GRIN2A: variants seen among roughly 807,000 people sequenced by gnomAD.
GRIN2A encodes glutamate ionotropic receptor NMDA type subunit 2A.
GRIN2A carries 22 observed loss-of-function variants against 113.4 expected under a neutral mutation model. The ratio of observed to expected loss-of-function variants is 0.19; its 90% CI spans 0.14 to 0.28. The LOEUF (loss-of-function observed/expected upper bound fraction) is 0.28, where lower values mean the gene tolerates loss of function less well. GRIN2A is among the 10% of genes least tolerant of loss of function. The pLI, the probability that GRIN2A is intolerant of heterozygous loss-of-function variation, is 1.00. For synonymous variants in GRIN2A, 827 were observed against 738.4 expected (o/e 1.12, Z -1.94); for missense variants, 1,502 against 1,887.0 (o/e 0.80, Z 3.78).
chr16:9,837,779 G>A (rs575095922), intron 7 of GRIN2A, among the ~76,000 whole-genome samples: 19 of 152,258 alleles, frequency 1.2e-4, no homozygotes, highest in African/African-American at 4.6e-4. Flanking sequence ...GGCATAGTGA[G>A]GCTCTCTTAT....
intron 2 of GRIN2A, among the ~76,000 whole-genome samples, chr16:10,072,547 C>T (rs540882601): frequency 6.6e-6 from 1 of 152,230 alleles, no homozygotes; most frequent in African/African-American, 2.4e-5. Flanking sequence ...TAAAGTTCTC[C>T]TAGGTGATTA....
chr16:9,927,927 G>C (rs572594692), intron 3 of GRIN2A, among the ~76,000 whole-genome samples: 1 of 152,148 alleles, frequency 6.6e-6, no homozygotes, highest in East Asian at 1.9e-4. Flanking sequence ...CTTTGTGTTT[G>C]GCCAGGACTT....
At chr16:9,862,947 A>G (rs2043095699) in intron 4 of GRIN2A, among the ~76,000 whole-genome samples, 2 of 152,218 alleles carry the variant, frequency 1.3e-5, no homozygotes, top group Non-Finnish European at 2.9e-5. Flanking sequence ...TTATTGAGGT[A>G]CTGTGATCAC....
intron 11 of GRIN2A, among the ~76,000 whole-genome samples, chr16:9,772,750 C>G (rs900114920): frequency 1.3e-5 from 2 of 152,016 alleles, no homozygotes; most frequent in African/African-American, 4.8e-5. Flanking sequence ...ATCTTCCTTT[C>G]GGTGTTGCCT....
chr16:9,808,111 G>A lies in GRIN2A; in HGVS notation c.2169-9647C>T, dbSNP rs115994105. Among the ~76,000 whole-genome samples, 794 of 152,288 alleles carry A rather than the reference G, an allele frequency of 5.2e-3. 2 individuals are homozygous for A. Among genetic ancestry groups the A allele is most frequent in the African/African-American group, 0.018 (742 of 41,558 alleles). On this transcript the variant is annotated intron_variant, in intron 10 of 12. Coordinates refer to ENST00000330684, the MANE Select transcript of GRIN2A (RefSeq NM_001134407.3). The stretch of plus-strand genomic sequence containing the variant: ...TGCTGCAGATTTCACGAAGCATAGC[G>A]TTTTTATAATATTAGAAAGATGGCT...
rs1900787948 is a variant in GRIN2A, at chr16:9,764,530, T to G, written c.3014A>C (p.Lys1005Thr). Residue 1005 changes from lysine (K) to threonine (T), a missense_variant, in exon 13 of 13, where the codon AAA becomes ACA. This residue lies in a region of GRIN2A where 832 missense variants were observed against 789.7 expected (regional missense o/e 1.05). Coordinates refer to ENST00000330684, the MANE Select transcript of GRIN2A (RefSeq NM_001134407.3). Reference sequence around the variant, plus strand: ...CAGCTGCCGGGGTCTAGAGTTCGCTTTGGATTCTGTGCTCACGGCCACCTC... The same window carrying G: ...CAGCTGCCGGGGTCTAGAGTTCGCTGTGGATTCTGTGCTCACGGCCACCTC... ...TVEVAVSTES[K>T]ANSRPRQLWK... 6.2e-7 allele frequency: 1 copy of G among 1,613,896 alleles called. No individual in the cohort carries two copies. The highest frequency in any genetic ancestry group is 1.7e-5 in the Admixed American group (1 of 60,000).
intron 2 of GRIN2A, among the ~76,000 whole-genome samples, chr16:10,044,020 T>TAGAG (rs1394786989): frequency 5.1e-5 from 6 of 116,898 alleles, no homozygotes; most frequent in African/African-American, 6.9e-5. Flanking sequence ...TATATATATA[T>TAGAG]ATAGAGAGAG....
chr16:9,990,568 CA>C (rs2046091386), intron 2 of GRIN2A, among the ~76,000 whole-genome samples: 1 of 78,906 alleles, frequency 1.3e-5, no homozygotes, highest in Non-Finnish European at 3.4e-5. Flanking sequence ...CGCGCGCACA[CA>C]CACACACACA....
chr16:9,768,037 T>A (rs1901026401), intron 12 of GRIN2A, among the ~76,000 whole-genome samples: 2 of 152,288 alleles, frequency 1.3e-5, no homozygotes, highest in South Asian at 4.1e-4. Flanking sequence ...CCAGTGTTTT[T>A]AAATTTTTTT....
intron 12 of GRIN2A, 26 bp downstream of exon 12, chr16:9,768,820 GTGCAA>G (rs1567282293): frequency 6.8e-7 from 1 of 1,472,622 alleles, no homozygotes. Context: ...CCTGCTTGCA[GTGCAA>G]GAAAGTAGCC....
intron 11 of GRIN2A, among the ~76,000 whole-genome samples, chr16:9,776,387 G>A (rs1362321): frequency 0.22 from 33,177 of 150,670 alleles, 4,149 homozygotes; most frequent in East Asian, 0.53. Context: ...TGTACCCCCA[G>A]TCTGTGGCAC....
intron 3 of GRIN2A, among the ~76,000 whole-genome samples, chr16:9,912,410 C>T (rs1359456278): frequency 1.3e-5 from 2 of 149,774 alleles, no homozygotes; most frequent in African/African-American, 4.9e-5. Context: ...ACACCATTTT[C>T]AGAACGTAGC....
chr16:10,101,522 G>A (rs1240977152), intron 2 of GRIN2A, among the ~76,000 whole-genome samples: 1 of 152,122 alleles, frequency 6.6e-6, no homozygotes, highest in Non-Finnish European at 1.5e-5. Flanking sequence ...AGATGTTGGG[G>A]CTTCGAGAAA....
At chr16:9,846,048 C>T (rs145173151) in intron 5 of GRIN2A, among the ~76,000 whole-genome samples, 1 of 152,326 alleles carries the variant, frequency 6.6e-6, no homozygotes, top group East Asian at 1.9e-4. Context: ...TTACTTATAA[C>T]AATGTCTGTG....
At chr16:9,996,622 C>CT (rs1184128865) in intron 2 of GRIN2A, among the ~76,000 whole-genome samples, 1 of 152,164 alleles carries the variant, frequency 6.6e-6, no homozygotes, top group Non-Finnish European at 1.5e-5. Context: ...CATAATTTCC[C>CT]TTGTCAGGAT....
At chr16:9,968,193 C>G (rs1479665785) in intron 2 of GRIN2A, among the ~76,000 whole-genome samples, 1 of 152,200 alleles carries the variant, frequency 6.6e-6, no homozygotes, top group Non-Finnish European at 1.5e-5. Context: ...ATGACAATCT[C>G]TCTAGGCTTT....
At chr16:10,088,004 G>T (rs956239883) in intron 2 of GRIN2A, among the ~76,000 whole-genome samples, 1 of 151,786 alleles carries the variant, frequency 6.6e-6, no homozygotes, top group African/African-American at 2.4e-5. Flanking sequence ...CAAATTCTAA[G>T]CACTCAGAAA....
chr16:10,135,760 A>C (rs1363904562), intron 2 of GRIN2A, among the ~76,000 whole-genome samples: 1 of 152,194 alleles, frequency 6.6e-6, no homozygotes, highest in Non-Finnish European at 1.5e-5. Context: ...TCTTCAGAGA[A>C]GCCTCAGCTC....
chr16:10,140,910 C>T (rs1361067171), intron 2 of GRIN2A, among the ~76,000 whole-genome samples: 1 of 152,158 alleles, frequency 6.6e-6, no homozygotes, highest in African/African-American at 2.4e-5. Context: ...AAAGTCAATA[C>T]AGGCTGGGTG....
Sources: allele counts gnomAD v4.1 joint callset (sites outside exome capture counted in the v4.1 genomes callset), GRCh38; gene constraint gnomAD v4.1.1; regional missense constraint gnomAD v4.1.1; transcripts MANE v1.5; gene names NCBI Gene and HGNC (gene_info 2026-07-23, HGNC 2026-07-21).